The following CDK17 variants were observed in gnomAD, a reference collection of about 807,000 sequenced individuals.
The protein encoded by CDK17 is cyclin dependent kinase 17.
In CDK17, 24 loss-of-function variants were observed where a neutral mutation model predicts 77.6. The ratio of observed to expected loss-of-function variants is 0.31; its 90% CI spans 0.22 to 0.44. The LOEUF is 0.44. Among genes scored for constraint, CDK17 ranks in the 20% least tolerant of loss-of-function variants. The pLI is 1.00. For synonymous variants in CDK17, 203 were observed against 210.4 expected (o/e 0.96, Z 0.30); for missense variants, 429 against 622.5 (o/e 0.69, Z 3.31).
chr12:96,364,739 A>G (rs1272841035), intron 1 of CDK17, among the ~76,000 whole-genome samples: 1 of 152,182 alleles, frequency 6.6e-6, no homozygotes, highest in Admixed American at 6.5e-5. Context: ...GAGTCCCTAA[A>G]AACAGAAAAT....
chr12:96,397,268 C>T (rs1246643482), intron 1 of CDK17, among the ~76,000 whole-genome samples: 1 of 151,782 alleles, frequency 6.6e-6, no homozygotes, highest in Non-Finnish European at 1.5e-5. Context: ...CCTGTGCTAC[C>T]GGGCAAATAA....
At chr12:96,391,340 A>T (rs1433368600) in intron 1 of CDK17, among the ~76,000 whole-genome samples, 39 of 147,080 alleles carry the variant, frequency 2.7e-4, no homozygotes, top group Non-Finnish European at 1.5e-5. Context: ...CTCAGGTTGG[A>T]GTGCAGTGGT....
At chr12:96,348,916 T>A (rs1446718474) in intron 1 of CDK17, among the ~76,000 whole-genome samples, 1 of 152,078 alleles carries the variant, frequency 6.6e-6, no homozygotes, top group African/African-American at 2.4e-5. Flanking sequence ...CCTAAACAAC[T>A]GAAGAGGGGG....
intron 1 of CDK17, among the ~76,000 whole-genome samples, chr12:96,366,672 AATATACCC>A (rs1953588340): frequency 6.6e-6 from 1 of 152,198 alleles, no homozygotes; most frequent in South Asian, 2.1e-4. Context: ...CCAGTGACAT[AATATACCC>A]ATAACTCTGG....
At chr12:96,301,528 G>T (rs1952503783) in intron 5 of CDK17, among the ~76,000 whole-genome samples, 1 of 152,180 alleles carries the variant, frequency 6.6e-6, no homozygotes. Flanking sequence ...AATGGGAAAA[G>T]AATTTTCTTA....
intron 11 of CDK17, among the ~76,000 whole-genome samples, chr12:96,288,033 T>G (rs1388116372): frequency 6.6e-6 from 1 of 151,918 alleles, no homozygotes; most frequent in Non-Finnish European, 1.5e-5. Context: ...GGGAGGGGAA[T>G]AGGAAGAAAT....
intron 1 of CDK17, 44 bp from the exon 2 acceptor site, chr12:96,334,909 T>C (rs754754951): frequency 9.9e-6 from 8 of 809,208 alleles, no homozygotes; most frequent in Admixed American, 4.1e-5. Context: ...ATAAATATTT[T>C]ACCACTGAAG....
chr12:96,359,748 A>C (rs78464780), intron 1 of CDK17, among the ~76,000 whole-genome samples: 1 of 152,248 alleles, frequency 6.6e-6, no homozygotes, highest in African/African-American at 2.4e-5. Flanking sequence ...AATTTCTTAA[A>C]AAGATTTATA....
At chr12:96,308,200 GCATGGGCAA>G (rs1471036164) in intron 5 of CDK17, among the ~76,000 whole-genome samples, 1 of 130,456 alleles carries the variant, frequency 7.7e-6, no homozygotes, top group African/African-American at 2.9e-5. Flanking sequence ...TTTGAAACCA[GCATGGGCAA>G]CACAGTGAGA....
At chr12:96,281,988 T>C (rs1388922602) in intron 15 of CDK17, 2 of 152,232 alleles carry the variant, frequency 1.3e-5, no homozygotes, top group Non-Finnish European at 2.9e-5. Flanking sequence ...GTAAAATCAA[T>C]GTTATTCAGG....
intron 1 of CDK17, among the ~76,000 whole-genome samples, chr12:96,347,075 C>T (rs1416473864): frequency 1.3e-5 from 2 of 152,070 alleles, no homozygotes; most frequent in Admixed American, 1.3e-4. Context: ...ACACGAAGGC[C>T]ATCATATATT....
rs1279015104 is a variant in CDK17 at position 96,289,408 on chromosome 12, G to C, written c.998-121C>G. 71 of 1,018,920 alleles carry C rather than the reference G, an allele frequency of 7.0e-5. 1 individual carries two copies. Among genetic ancestry groups the C allele is most frequent in the Middle Eastern group, 4.4e-4 (2 of 4,504 alleles). The allele number at this position is 1,018,920 out of a possible 1,614,324, so 63.1% of individuals were successfully genotyped here. A position where few individuals can be genotyped will look rare whatever the true frequency, so the allele number is the denominator to read the frequency against. On this transcript the variant is annotated intron_variant, in intron 10 of 16. Coordinates refer to ENST00000261211, the MANE Select transcript of CDK17 (RefSeq NM_002595.5). ...AATGGTTAATTCGTAGCTTCTTGAGGCTTCACCACTATTAACTTTATGAAT... is the reference window on the plus strand; with the variant it reads ...AATGGTTAATTCGTAGCTTCTTGAGCCTTCACCACTATTAACTTTATGAAT...
chr12:96,360,314 T>C (rs1953472474), intron 1 of CDK17, among the ~76,000 whole-genome samples: 1 of 152,160 alleles, frequency 6.6e-6, no homozygotes, highest in Admixed American at 6.5e-5. Context: ...TTGAAAGGTA[T>C]CTTGATAGAT....
intron 1 of CDK17, among the ~76,000 whole-genome samples, chr12:96,369,639 G>A (rs775120249): frequency 1.8e-4 from 27 of 152,248 alleles, no homozygotes; most frequent in East Asian, 1.9e-4. Context: ...TTATCCAGGC[G>A]TGATGGTGCA....
At chr12:96,353,854 G>A (rs908534215) in intron 1 of CDK17, among the ~76,000 whole-genome samples, 2 of 151,898 alleles carry the variant, frequency 1.3e-5, no homozygotes, top group African/African-American at 4.8e-5. Context: ...GTAAGTTTGG[G>A]GGAAAAAAGT....
In CDK17 at chr12:96,334,116, C is replaced by G. The variant is rs146306344; in HGVS notation, c.118+603G>C. On this transcript the variant is annotated intron_variant, in intron 2 of 16. Coordinates refer to ENST00000261211, the MANE Select transcript of CDK17 (RefSeq NM_002595.5). ...CAGATACTCTGCACATCATGACACA[C>G]TGAAAGCCAGTCACGTAAGTTCCTT... Among the ~76,000 whole-genome samples the G allele has an allele frequency of 2.4e-3, 366 of 152,328 alleles. 8 individuals carry two copies. Among genetic ancestry groups the G allele is most frequent in the Admixed American group, 0.019 (294 of 15,300 alleles).
At chr12:96,309,824 A>G (rs978503189) in intron 5 of CDK17, among the ~76,000 whole-genome samples, 1 of 152,226 alleles carries the variant, frequency 6.6e-6, no homozygotes, top group African/African-American at 2.4e-5. Context: ...ACTTAAAATA[A>G]TAATTTTTAA....
chr12:96,354,652 G>T (rs1953367180), intron 1 of CDK17, among the ~76,000 whole-genome samples: 1 of 152,136 alleles, frequency 6.6e-6, no homozygotes, highest in South Asian at 2.1e-4. Flanking sequence ...GGCTGAGGCG[G>T]GAGAGCTGTT....
At chr12:96,291,580 C>T (rs535906515) in intron 10 of CDK17, among the ~76,000 whole-genome samples, 3 of 151,712 alleles carry the variant, frequency 2.0e-5, no homozygotes, top group East Asian at 1.9e-4. Flanking sequence ...TGTCAGCAAC[C>T]GCACCCAGCC....
Sources: gnomAD v4.1 joint callset for allele counts (sites outside exome capture counted in the v4.1 genomes callset) on GRCh38, gnomAD v4.1.1 for gene constraint, MANE v1.5 for transcripts, NCBI Gene and HGNC (gene_info 2026-07-23, HGNC 2026-07-21) for gene names.